Variants in SYNE1 observed in about 807,000 individuals in gnomAD.
SYNE1 encodes nesprin-1.
A neutral mutation model predicts 1,111.0 loss-of-function variants in SYNE1; 616 were observed. The observed-to-expected ratio is 0.55, with a 90% confidence interval of 0.52 to 0.59. The LOEUF is 0.59. SYNE1 is among the 20% of genes least tolerant of loss of function. SYNE1 has a pLI of 0.00. For missense variants in SYNE1, 10,006 were observed against 10,417.0 expected (o/e 0.96, Z 1.72); for synonymous variants, 3,855 against 3,825.8 (o/e 1.01, Z -0.28).
chr6:152,250,070 CG>C (rs2088663101), intron 104 of SYNE1, among the ~76,000 whole-genome samples: 1 of 151,738 alleles, frequency 6.6e-6, no homozygotes, highest in Non-Finnish European at 1.5e-5. Context: ...CAAGACCAGC[CG>C]GGGCAACACA....
intron 123 of SYNE1, among the ~76,000 whole-genome samples, chr6:152,213,065 T>C (rs1352186828): frequency 6.6e-6 from 1 of 152,204 alleles, no homozygotes; most frequent in East Asian, 1.9e-4. Context: ...GGCAAATTTA[T>C]TAATTTACTT....
chr6:152,380,401 T>C (rs214957), intron 56 of SYNE1: 151,525 of 153,176 alleles, frequency 0.99, 74,956 homozygotes, highest in East Asian at 1. Context: ...CGGTCTCCCT[T>C]GTAGGCTTCC....
rs185144552 is a variant in SYNE1, at chr6:152,213,849, C to T, written c.22347-90G>A. The T allele has an allele frequency of 3.9e-3, 6,046 of 1,550,528 alleles. 14 individuals carry two copies. The highest frequency in any genetic ancestry group is 5.0e-3 in the Non-Finnish European group (5,673 of 1,129,836). On this transcript the variant is annotated intron_variant, in intron 122 of 145. Transcript: ENST00000367255. ...AAAACTAGATTAAATAATCTCTGTG[C>T]TCAATTCTAATTGAACCACCACAAA...
At chr6:152,366,750 C>T (rs1472999449) in intron 62 of SYNE1, among the ~76,000 whole-genome samples, 4 of 152,124 alleles carry the variant, frequency 2.6e-5, no homozygotes, top group Non-Finnish European at 4.4e-5. Flanking sequence ...GACAGAGTGC[C>T]GGTCTCCTAG....
chr6:152,262,084 C>T lies in SYNE1; in HGVS notation c.18920G>A (p.Ser6307Asn), dbSNP rs1236045723. ...ATTCTGTAGTAGTTTCTGCTTGGTACTAAATTCTTGATGTAGGCTTTCCCA... is the reference window on the plus strand; with the variant it reads ...ATTCTGTAGTAGTTTCTGCTTGGTATTAAATTCTTGATGTAGGCTTTCCCA... ...MKWESLHQEF[S>N]TKQKLLQNVL... is the part of the protein sequence containing the mutation. Residue 6307 changes from serine to asparagine, a missense_variant, in exon 101 of 146, where the codon AGT (serine) becomes AAT (asparagine). Coordinates refer to ENST00000367255, the MANE Select transcript of SYNE1 (RefSeq NM_182961.4). 1.1e-5 allele frequency: 17 copies of T among 1,613,690 alleles called. No homozygotes were observed. The highest frequency in any genetic ancestry group is 1.4e-5 in the Non-Finnish European group (16 of 1,179,958).
chr6:152,156,209 T>G, intron 131 of SYNE1, 112 bp from the exon 132 acceptor site: 1 of 1,112,634 alleles, frequency 9.0e-7, no homozygotes, highest in Non-Finnish European at 1.3e-6. Context: ...AATATTTAAT[T>G]TCCTTGAATG....
chr6:152,423,764 C>T (rs1289108351), intron 39 of SYNE1, among the ~76,000 whole-genome samples: 3 of 152,160 alleles, frequency 2.0e-5, no homozygotes. Flanking sequence ...CAGCTCTGCC[C>T]CATATTCCCA....
chr6:152,204,959 A>G (rs896518550), intron 126 of SYNE1, among the ~76,000 whole-genome samples: 1 of 152,190 alleles, frequency 6.6e-6, no homozygotes, highest in African/African-American at 2.4e-5. Context: ...ATCCTTTCCT[A>G]AAAGCAAAAG....
intron 82 of SYNE1, among the ~76,000 whole-genome samples, chr6:152,322,294 C>T (rs1028795937): frequency 1.2e-4 from 19 of 152,088 alleles, no homozygotes; most frequent in Non-Finnish European, 2.8e-4. Context: ...CATAATTAAT[C>T]ACGTTAATAA....
intron 3 of SYNE1, among the ~76,000 whole-genome samples, chr6:152,626,423 A>T (rs991879065): frequency 2.6e-5 from 4 of 152,182 alleles, no homozygotes; most frequent in Admixed American, 1.3e-4. Flanking sequence ...TCATTGAGGC[A>T]CAAAATGGTT....
chr6:152,484,038 C>CAAATAAAAAAAAAAA (rs2098925454), intron 13 of SYNE1, among the ~76,000 whole-genome samples: 1 of 53,522 alleles, frequency 1.9e-5, no homozygotes. Flanking sequence ...CTCATCTCTA[C>CAAATAAAAAAAAAAA]AAAAAAAAAA....
chr6:152,410,861 T>C (rs997331564), intron 42 of SYNE1, among the ~76,000 whole-genome samples: 1 of 152,186 alleles, frequency 6.6e-6, no homozygotes, highest in African/African-American at 2.4e-5. Flanking sequence ...TTATTTGTAA[T>C]AGGAGAAAAT....
At chr6:152,184,456 A>G (rs1284005450) in intron 128 of SYNE1, among the ~76,000 whole-genome samples, 1 of 140,666 alleles carries the variant, frequency 7.1e-6, no homozygotes, top group East Asian at 2.0e-4. Context: ...AAAAAAAAAA[A>G]GAAAGAAATT....
chr6:152,183,819 C>T (rs1383247739), intron 128 of SYNE1, among the ~76,000 whole-genome samples: 1 of 152,094 alleles, frequency 6.6e-6, no homozygotes, highest in African/African-American at 2.4e-5. Flanking sequence ...GAAAGTTGGA[C>T]AAATTTGGGG....
rs1040493601 is a variant in SYNE1 at position 152,329,738 on chromosome 6, T to C, written c.14947A>G (p.Thr4983Ala). The change falls in exon 78 of 146, where the codon ACC becomes GCC. Residue 4983 changes from threonine to alanine, a missense_variant. Thr to Ala is a moderately conservative substitution (Grantham distance 58, BLOSUM62 0). Transcript: ENST00000367255. ...AGTCCTATTATACCCACCTGTCTGGTGCGTAAGGCTTCCTGGATGTCTCCA... is the reference window on the plus strand; with the variant it reads ...AGTCCTATTATACCCACCTGTCTGGCGCGTAAGGCTTCCTGGATGTCTCCA... ...LDGDIQEALR[T>A]RQATLTEIYS... The C allele has an allele frequency of 6.2e-7, 1 of 1,614,146 alleles. No individual in the cohort carries two copies. The highest frequency in any genetic ancestry group is 8.5e-7 in the Non-Finnish European group (1 of 1,180,028).
At chr6:152,294,608 G>A (rs1385236117) in intron 93 of SYNE1, among the ~76,000 whole-genome samples, 1 of 152,068 alleles carries the variant, frequency 6.6e-6, no homozygotes, top group African/African-American at 2.4e-5. Flanking sequence ...TTCATCATTT[G>A]CTGAATTAAT....
chr6:152,144,000 T>C (rs2059003697), intron 137 of SYNE1: 1 of 548,316 alleles, frequency 1.8e-6, no homozygotes. Context: ...GCAAAACGGC[T>C]CTCCAGTCCG....
intron 129 of SYNE1, among the ~76,000 whole-genome samples, chr6:152,178,734 C>A (rs1478673990): frequency 2.0e-5 from 3 of 152,092 alleles, no homozygotes; most frequent in Non-Finnish European, 4.4e-5. Flanking sequence ...AAAGCCCATG[C>A]TCCTGGAAAG....
At chr6:152,417,619 A>G (rs17082664) in intron 40 of SYNE1, among the ~76,000 whole-genome samples, 26,571 of 152,190 alleles carry the variant, frequency 0.17, 2,686 homozygotes, top group East Asian at 0.37. Context: ...ACATTGGAAG[A>G]TTCTTAAAGA....
Sources: allele counts gnomAD v4.1 joint callset (sites outside exome capture counted in the v4.1 genomes callset), GRCh38; gene constraint gnomAD v4.1.1; transcripts MANE v1.5; gene names NCBI Gene and HGNC (gene_info 2026-07-23, HGNC 2026-07-21).